The following LIFR variants were observed in gnomAD, a reference collection of about 807,000 sequenced individuals.
LIFR encodes leukemia inhibitory factor receptor.
LIFR carries 84 observed loss-of-function variants against 122.2 expected under a neutral mutation model. The ratio of observed to expected loss-of-function variants is 0.69; its 90% confidence interval spans 0.58 to 0.82. The LOEUF is 0.82. Ranked by LOEUF, LIFR falls within the 40% of genes least tolerant of loss-of-function variation. The pLI is 0.00. For missense variants in LIFR, 1,294 were observed against 1,311.6 expected (o/e 0.99, Z 0.21); for synonymous variants, 422 against 434.7 (o/e 0.97, Z 0.36).
Position 38,479,195 on chromosome 5 carries a change from A to G in LIFR, c.*2400T>C, listed in dbSNP as rs1045727438. The G allele has an allele frequency of 1.7e-5, 4 of 231,472 alleles. No individual in the cohort carries two copies. The highest frequency in any genetic ancestry group is 8.8e-5 in the African/African-American group (4 of 45,254). The allele number at this position is 231,472 out of a possible 1,614,324, so 14.3% of individuals were successfully genotyped here. ...TAGCTGTCTTGAATTCAATGAGGGA[A>G]AAGAAGGAAAACTGCTTTGGCCCCA... On this transcript the variant is annotated 3_prime_UTR_variant, in exon 20 of 20. Transcript: ENST00000453190.
Position 38,481,318 on chromosome 5 carries a change from A to T in LIFR, c.*277T>A. ...ACGTACAAGTAGGTATTAGCCTTGA[A>T]ATGCTTCTTGAAGGTAGAGTACATG... On this transcript the variant is annotated 3_prime_UTR_variant, in exon 20 of 20. Coordinates refer to ENST00000453190, the MANE Select transcript of LIFR (RefSeq NM_001127671.2). 2.0e-6 allele frequency: 1 copy of T among 508,396 alleles called. No individual in the cohort carries two copies. The highest frequency in any genetic ancestry group is 1.9e-5 in the African/African-American group (1 of 52,604). The allele number at this position is 508,396 out of a possible 1,614,324, so 31.5% of individuals were successfully genotyped here. A position where few individuals can be genotyped will look rare whatever the true frequency, so the allele number is the denominator to read the frequency against.
intron 1 of LIFR, among the ~76,000 whole-genome samples, chr5:38,534,080 C>T (rs1305245388): frequency 6.6e-6 from 1 of 152,188 alleles, no homozygotes; most frequent in Non-Finnish European, 1.5e-5. Flanking sequence ...AAAACAAGTG[C>T]AATCACACAG....
At chr5:38,601,710 G>C (rs112991564) in intron 2 of LIFR, among the ~76,000 whole-genome samples, 5 of 152,070 alleles carry the variant, frequency 3.3e-5, no homozygotes, top group African/African-American at 9.7e-5. Context: ...ACATCTTTGC[G>C]TTTCCTTTTT....
chr5:38,528,839 C>G lies in LIFR; in HGVS notation c.144G>C (p.Gly48=), dbSNP rs1456818496. 3 of 1,496,496 alleles carry G rather than the reference C, an allele frequency of 2.0e-6. No individual in the cohort carries two copies. 92.7% of individuals were successfully genotyped at this position (1,496,496 alleles called of 1,614,324 possible). A position where few individuals can be genotyped will look rare whatever the true frequency, so the allele number is the denominator to read the frequency against. The change falls in exon 3 of 20, where the codon GGG becomes GGC. Residue 48 remains glycine, a splice_region_variant and synonymous_variant. Coordinates refer to ENST00000453190, the MANE Select transcript of LIFR (RefSeq NM_001127671.2). ...TTACACACTTCAAATCATGAGGAGC[C>G]CCTGGAGGAGACACACACACACACA... ...LMNQVNSQKK[G]APHDLKCVTN...
intron 1 of LIFR, among the ~76,000 whole-genome samples, chr5:38,552,871 T>C (rs1423161723): frequency 1.3e-5 from 2 of 152,238 alleles, no homozygotes; most frequent in Non-Finnish European, 2.9e-5. Flanking sequence ...TAATTATTCA[T>C]TTACTCAATA....
intron 5 of LIFR, among the ~76,000 whole-genome samples, chr5:38,518,994 A>G (rs1746254845): frequency 6.6e-6 from 1 of 152,376 alleles, no homozygotes; most frequent in African/African-American, 2.4e-5. Flanking sequence ...TTAAAAATAC[A>G]AAAAAGCTTG....
intron 11 of LIFR, among the ~76,000 whole-genome samples, chr5:38,502,267 CTTAT>C (rs1470343405): frequency 4.0e-5 from 6 of 149,100 alleles, no homozygotes; most frequent in East Asian, 1.9e-4. Flanking sequence ...TTTTTTTTTT[CTTAT>C]TTAGAGACGG....
chr5:38,495,019 T>G (rs189276701), intron 13 of LIFR, among the ~76,000 whole-genome samples: 2 of 152,312 alleles, frequency 1.3e-5, no homozygotes, highest in Admixed American at 6.5e-5. Context: ...TGGCTGAGAA[T>G]AGAGAACACT....
At chr5:38,581,604 G>A (rs1158476906) in intron 1 of LIFR, among the ~76,000 whole-genome samples, 1 of 152,200 alleles carries the variant, frequency 6.6e-6, no homozygotes, top group Non-Finnish European at 1.5e-5. Context: ...TATTCCAAGA[G>A]TCTTCTTTTT....
At chr5:38,563,812 G>T (rs1253960851) in intron 1 of LIFR, among the ~76,000 whole-genome samples, 1 of 152,182 alleles carries the variant, frequency 6.6e-6, no homozygotes, top group East Asian at 1.9e-4. Context: ...AACCATGGCA[G>T]TCTGGCTCCA....
intron 1 of LIFR, among the ~76,000 whole-genome samples, chr5:38,583,776 C>T (rs904928701): frequency 2.6e-5 from 4 of 152,110 alleles, no homozygotes; most frequent in Non-Finnish European, 5.9e-5. Flanking sequence ...AATTGTGACT[C>T]CCATAATTCC....
At chr5:38,538,329 C>T (rs1006866585) in intron 1 of LIFR, among the ~76,000 whole-genome samples, 2 of 152,208 alleles carry the variant, frequency 1.3e-5, no homozygotes, top group Non-Finnish European at 2.9e-5. Flanking sequence ...CTAATTACTT[C>T]CAAATCCGTG....
At chr5:38,507,680 C>T (rs191428250) in intron 7 of LIFR, among the ~76,000 whole-genome samples, 235 of 151,704 alleles carry the variant, frequency 1.5e-3, no homozygotes, top group African/African-American at 5.3e-3. Flanking sequence ...CTGGTATTTC[C>T]TCTCTCATAT....
chr5:38,528,883 C>G (rs761622461), intron 2 of LIFR, 43 bp from the exon 3 acceptor site: 1 of 931,676 alleles, frequency 1.1e-6, no homozygotes, highest in South Asian at 1.5e-5. Context: ...CACACAGACA[C>G]ACATAAACAC....
intron 8 of LIFR, 40 bp downstream of exon 8, chr5:38,506,463 T>C (rs1745488396): frequency 6.2e-7 from 1 of 1,612,450 alleles, no homozygotes; most frequent in African/African-American, 1.3e-5. Context: ...ACTTCCAACG[T>C]ACTCCTTGCC....
intron 14 of LIFR, 188 bp from the exon 15 acceptor site, chr5:38,490,479 A>AAATTTACT (rs1204952103): frequency 5.9e-6 from 2 of 337,722 alleles, no homozygotes; most frequent in Non-Finnish European, 1.1e-5. Context: ...AACAAAAATT[A>AAATTTACT]AATTTACTTC....
At chr5:38,544,614 T>C (rs919362956) in intron 1 of LIFR, among the ~76,000 whole-genome samples, 2 of 152,138 alleles carry the variant, frequency 1.3e-5, no homozygotes, top group African/African-American at 4.8e-5. Context: ...CACTGCTCAC[T>C]CTTCCTTGTG....
At chr5:38,576,704 C>T (rs1338552410) in intron 1 of LIFR, among the ~76,000 whole-genome samples, 1 of 152,182 alleles carries the variant, frequency 6.6e-6, no homozygotes, top group African/African-American at 2.4e-5. Flanking sequence ...TGGCAGGTAT[C>T]ACAATAGTGT....
chr5:38,508,833 C>T (rs1745640488), intron 7 of LIFR, among the ~76,000 whole-genome samples: 1 of 152,178 alleles, frequency 6.6e-6, no homozygotes, highest in East Asian at 1.9e-4. Flanking sequence ...ATCCGCCCGC[C>T]TCAGCCTCCC....
Sources: allele counts gnomAD v4.1 joint callset (sites outside exome capture counted in the v4.1 genomes callset), GRCh38; gene constraint gnomAD v4.1.1; transcripts MANE v1.5; gene names NCBI Gene and HGNC (gene_info 2026-07-23, HGNC 2026-07-21).